Variants in CCDC146 observed in about 807,000 individuals in gnomAD.
The protein encoded by CCDC146 is coiled-coil domain-containing protein 146.
In CCDC146, 92 loss-of-function variants were observed where a neutral mutation model predicts 119.3. That is an observed-to-expected ratio of 0.77 (90% confidence interval 0.65 to 0.92). CCDC146 has a LOEUF of 0.92. Ranked by LOEUF, CCDC146 falls within the 40% of genes least tolerant of loss-of-function variation. The pLI is 0.00. For missense variants in CCDC146, 1,000 were observed against 1,103.0 expected (o/e 0.91, Z 1.32); for synonymous variants, 372 against 371.8 (o/e 1.00, Z -0.01).
intron 1 of CCDC146, among the ~76,000 whole-genome samples, chr7:77,144,428 C>T (rs1416781693): frequency 6.6e-6 from 1 of 151,736 alleles, no homozygotes; most frequent in East Asian, 1.9e-4. Context: ...TGCCTGATTG[C>T]CCTGGCCAGA....
At chr7:77,192,570 A>C (rs1222723924) in intron 2 of CCDC146, among the ~76,000 whole-genome samples, 5 of 152,222 alleles carry the variant, frequency 3.3e-5, no homozygotes, top group Non-Finnish European at 7.3e-5. Context: ...GCAGAAGTAT[A>C]AGTAGTGGTA....
At chr7:77,145,848 A>G (rs1348083033) in intron 1 of CCDC146, among the ~76,000 whole-genome samples, 1 of 152,136 alleles carries the variant, frequency 6.6e-6, no homozygotes, top group African/African-American at 2.4e-5. Context: ...CTAAGTGGTC[A>G]ATTTTGGAAT....
At chr7:77,199,470 G>A in intron 2 of CCDC146, 4 of 1,614,050 alleles carry the variant, frequency 2.5e-6, no homozygotes, top group Non-Finnish European at 2.5e-6. Flanking sequence ...TTCTGCCTGG[G>A]TCTCCGTTGT....
At chr7:77,211,446 C>T (rs769988532) in intron 2 of CCDC146, among the ~76,000 whole-genome samples, 2 of 152,024 alleles carry the variant, frequency 1.3e-5, no homozygotes, top group East Asian at 1.9e-4. Flanking sequence ...TTCCAATTGA[C>T]ATTAGGATTG....
At chr7:77,149,489 G>A (rs563430152) in intron 1 of CCDC146, among the ~76,000 whole-genome samples, 4 of 152,196 alleles carry the variant, frequency 2.6e-5, no homozygotes, top group Admixed American at 6.5e-5. Context: ...TTATAGGCTG[G>A]GTGCAGTGGC....
At chr7:77,154,058 C>CA (rs1461306100) in intron 1 of CCDC146, among the ~76,000 whole-genome samples, 3 of 151,350 alleles carry the variant, frequency 2.0e-5, no homozygotes, top group African/African-American at 7.3e-5. Flanking sequence ...CAAAAGGTGA[C>CA]ATGTGATATA....
chr7:77,293,264 C>G (rs55803623), intron 18 of CCDC146, 64 bp downstream of exon 18: 475,942 of 1,565,238 alleles, frequency 0.3, 76,952 homozygotes, highest in African/African-American at 0.56. Context: ...TCAGGCAACC[C>G]ACAGTTATCC....
chr7:77,273,915 T>C, intron 10 of CCDC146, 126 bp downstream of exon 10: 1 of 515,076 alleles, frequency 1.9e-6, no homozygotes, highest in East Asian at 3.0e-5. Context: ...CTGCTTCATG[T>C]GGGCATATTT....
chr7:77,209,601 T>C (rs1792144616), intron 2 of CCDC146, among the ~76,000 whole-genome samples: 1 of 152,246 alleles, frequency 6.6e-6, no homozygotes, highest in Non-Finnish European at 1.5e-5. Flanking sequence ...GGGGACTCTG[T>C]GTGGAGGTTC....
chr7:77,266,799 ATTC>A (rs553743250), intron 9 of CCDC146, among the ~76,000 whole-genome samples: 162 of 152,184 alleles, frequency 1.1e-3, no homozygotes, highest in African/African-American at 3.8e-3. Flanking sequence ...ACAAATTTAT[ATTC>A]TTAAGTGACA....
chr7:77,273,601 A>G (rs1793568242), intron 9 of CCDC146, 93 bp from the exon 10 acceptor site: 1 of 816,360 alleles, frequency 1.2e-6, no homozygotes, highest in East Asian at 2.8e-5. Context: ...GCTCACTGCA[A>G]CTTCTGCCTC....
At chr7:77,273,918 G>T in intron 10 of CCDC146, 129 bp downstream of exon 10, 1 of 501,600 alleles carries the variant, frequency 2.0e-6, no homozygotes, top group South Asian at 4.3e-5. Context: ...CTTCATGTGG[G>T]CATATTTCTT....
chr7:77,280,481 A>C lies in CCDC146; in HGVS notation c.1747A>C (p.Ser583Arg). 1 of 1,614,178 alleles carries C rather than the reference A, an allele frequency of 6.2e-7. No individual in the cohort carries two copies. Among genetic ancestry groups the C allele is most frequent in the Non-Finnish European group, 8.5e-7 (1 of 1,180,024 alleles). The change falls in exon 14 of 19, where the codon AGC becomes CGC. Residue 583 changes from serine to arginine, a missense_variant. Coordinates refer to ENST00000285871, the MANE Select transcript of CCDC146 (RefSeq NM_020879.3). ...KHANNVTIRE[S>R]MQNDVRKIVS... ...CGCCAACAATGTTACCATCAGAGAGAGCATGCAAAACGATGTGCGCAAAAT... is the reference window on the plus strand; with the variant it reads ...CGCCAACAATGTTACCATCAGAGAGCGCATGCAAAACGATGTGCGCAAAAT...
chr7:77,269,777 GA>G (rs1394076361), intron 9 of CCDC146, among the ~76,000 whole-genome samples: 1 of 152,146 alleles, frequency 6.6e-6, no homozygotes, highest in Non-Finnish European at 1.5e-5. Context: ...TTGATTTTAA[GA>G]AAAATCTGGT....
intron 2 of CCDC146, among the ~76,000 whole-genome samples, chr7:77,205,090 A>C (rs1279974258): frequency 6.6e-6 from 1 of 152,224 alleles, no homozygotes. Flanking sequence ...GCTTCTTCTT[A>C]TAATCCCAAA....
rs533792600 is a variant in CCDC146, at chr7:77,191,876, C to G, written c.156+24052C>G. 7.9e-5 allele frequency among the ~76,000 whole-genome samples: 12 copies of G among 152,070 alleles called. No individual in the cohort carries two copies. In the East Asian group the frequency reaches 2.1e-3, roughly 27 times the overall value. Reference sequence around the variant, plus strand: ...AGTGAGCCGAGATGGTGCTACTGCACTCCAGCCTGGGCGACAGAGCAAGAC... The same window carrying G: ...AGTGAGCCGAGATGGTGCTACTGCAGTCCAGCCTGGGCGACAGAGCAAGAC... On this transcript the variant is annotated intron_variant, in intron 2 of 18. Transcript: ENST00000285871.
intron 1 of CCDC146, among the ~76,000 whole-genome samples, chr7:77,132,526 G>T (rs1790798347): frequency 6.8e-6 from 1 of 146,350 alleles, no homozygotes; most frequent in African/African-American, 2.6e-5. Context: ...AGATCAGCCT[G>T]GGCAACATAG....
intron 17 of CCDC146, among the ~76,000 whole-genome samples, chr7:77,291,249 T>C (rs10265936): frequency 0.36 from 54,413 of 151,924 alleles, 11,143 homozygotes; most frequent in African/African-American, 0.55. Context: ...ACTGAACTGC[T>C]CCACTATGGC....
intron 4 of CCDC146, among the ~76,000 whole-genome samples, chr7:77,248,051 G>T (rs1792988157): frequency 6.6e-6 from 1 of 152,098 alleles, no homozygotes; most frequent in Admixed American, 6.5e-5. Flanking sequence ...TCAAGAGATT[G>T]GATAAAGAAA....
Sources: allele counts gnomAD v4.1 joint callset (sites outside exome capture counted in the v4.1 genomes callset), GRCh38; gene constraint gnomAD v4.1.1; transcripts MANE v1.5; gene names NCBI Gene and HGNC (gene_info 2026-07-23, HGNC 2026-07-21).